The following SRPK1 variants were observed in gnomAD, a reference collection of about 807,000 sequenced individuals.
SRPK1 encodes SFRS protein kinase 1.
In SRPK1, 52 loss-of-function variants were observed where a neutral mutation model predicts 89.5. The ratio of observed to expected loss-of-function variants is 0.58; its 90% CI spans 0.46 to 0.73. SRPK1 has a LOEUF of 0.73. SRPK1 is among the 30% of genes least tolerant of loss of function. The pLI is 0.00. For missense variants in SRPK1, 603 were observed against 780.6 expected, an observed-to-expected ratio of 0.77 and a Z score of 2.71; for synonymous variants, 255 against 270.2, an observed-to-expected ratio of 0.94 and a Z score of 0.55.
chr6:35,886,574 T>G, intron 6 of SRPK1, 150 bp downstream of exon 6: 1 of 618,982 alleles, frequency 1.6e-6, no homozygotes, highest in Non-Finnish European at 2.9e-6. Context: ...TTAGACAAAA[T>G]TCAGATGTGT....
intron 12 of SRPK1, among the ~76,000 whole-genome samples, chr6:35,861,981 C>G (rs1197373179): frequency 6.6e-6 from 1 of 152,164 alleles, no homozygotes; most frequent in African/African-American, 2.4e-5. Context: ...CAGCAGAGAC[C>G]AAGCTTCTCT....
intron 7 of SRPK1, among the ~76,000 whole-genome samples, chr6:35,873,492 CTTT>C (rs141573769): frequency 1.4e-4 from 21 of 147,308 alleles, no homozygotes; most frequent in South Asian, 4.2e-4. Flanking sequence ...TAGCAATTAA[CTTT>C]TTTTTTTTTT....
intron 13 of SRPK1, among the ~76,000 whole-genome samples, chr6:35,849,139 AAAAC>A (rs1359160809): frequency 6.6e-5 from 10 of 152,220 alleles, no homozygotes; most frequent in African/African-American, 9.6e-5. Flanking sequence ...CAATAGCAAG[AAAAC>A]AAACAAACAA....
At chr6:35,857,734 C>CT (rs1477665595) in intron 12 of SRPK1, among the ~76,000 whole-genome samples, 1 of 152,208 alleles carries the variant, frequency 6.6e-6, no homozygotes, top group Non-Finnish European at 1.5e-5. Context: ...TCCCAAAGTG[C>CT]TGGGATTACA....
At chr6:35,905,796 G>C (rs1169087693) in intron 2 of SRPK1, among the ~76,000 whole-genome samples, 2 of 152,196 alleles carry the variant, frequency 1.3e-5, no homozygotes, top group African/African-American at 4.8e-5. Flanking sequence ...CAGCGTGGGA[G>C]AAAGAAGAGT....
intron 2 of SRPK1, among the ~76,000 whole-genome samples, chr6:35,896,219 G>A (rs562252284): frequency 6.6e-6 from 1 of 152,266 alleles, no homozygotes; most frequent in East Asian, 1.9e-4. Context: ...AATCCGTGGG[G>A]TCTCCAAGAA....
At chr6:35,891,144 G>T in intron 2 of SRPK1, 131 bp from the exon 3 acceptor site, 1 of 1,044,954 alleles carries the variant, frequency 9.6e-7, no homozygotes, top group Non-Finnish European at 1.3e-6. Flanking sequence ...GGCAGCCTAG[G>T]AAAATATTAG....
intron 14 of SRPK1, chr6:35,838,715 TGAA>T: frequency 1.4e-6 from 2 of 1,440,322 alleles, no homozygotes; most frequent in Non-Finnish European, 1.9e-6. Context: ...CCTCTGTGAC[TGAA>T]GAAGTCTTGT....
intron 2 of SRPK1, 171 bp from the exon 3 acceptor site, chr6:35,891,184 C>A (rs1770510662): frequency 2.7e-6 from 2 of 736,894 alleles, no homozygotes; most frequent in African/African-American, 1.8e-5. Flanking sequence ...TAGAAAAATA[C>A]TTTTTAAAAA....
chr6:35,864,622 T>C (rs186745917), intron 12 of SRPK1, among the ~76,000 whole-genome samples: 152 of 152,316 alleles, frequency 1.0e-3, no homozygotes, highest in African/African-American at 3.5e-3. Context: ...ACAACCACCA[T>C]GGAGAACAGT....
intron 3 of SRPK1, 78 bp downstream of exon 3, chr6:35,890,817 G>A: frequency 7.6e-7 from 1 of 1,307,236 alleles, no homozygotes; most frequent in Non-Finnish European, 1.0e-6. Flanking sequence ...CTGTGTTTAT[G>A]CTGATAGATC....
chr6:35,839,538 T>C (rs143802386), intron 14 of SRPK1, among the ~76,000 whole-genome samples: 3 of 152,236 alleles, frequency 2.0e-5, no homozygotes, highest in East Asian at 3.9e-4. Flanking sequence ...AGTATGAATA[T>C]GGACCATGAG....
At chr6:35,885,314 G>C (rs1291772378) in intron 6 of SRPK1, among the ~76,000 whole-genome samples, 5 of 151,292 alleles carry the variant, frequency 3.3e-5, no homozygotes, top group African/African-American at 4.9e-5. Context: ...GAGAGAGAGA[G>C]AGAGAGAGAG....
chr6:35,920,852 C>T (rs1771221728), intron 1 of SRPK1, 192 bp downstream of exon 1: 2 of 553,558 alleles, frequency 3.6e-6, no homozygotes, highest in Non-Finnish European at 5.9e-6. Flanking sequence ...CGGCCGGCGC[C>T]AGAGGACGCC....
chr6:35,871,846 A>G (rs1770043345), intron 8 of SRPK1, among the ~76,000 whole-genome samples: 1 of 152,110 alleles, frequency 6.6e-6, no homozygotes, highest in African/African-American at 2.4e-5. Flanking sequence ...GGCTCAAGCA[A>G]TCATCCTGCC....
intron 2 of SRPK1, among the ~76,000 whole-genome samples, chr6:35,898,237 G>A (rs1305636432): frequency 6.6e-6 from 1 of 152,146 alleles, no homozygotes; most frequent in Non-Finnish European, 1.5e-5. Context: ...GGATGGAGCT[G>A]GAGGCCATTA....
chr6:35,895,649 T>C (rs977061320), intron 2 of SRPK1: 4 of 152,216 alleles, frequency 2.6e-5, no homozygotes, highest in African/African-American at 7.2e-5. Flanking sequence ...AAAGAAATTA[T>C]CTGACCTACC....
chr6:35,904,286 T>C (rs142922909), intron 2 of SRPK1, among the ~76,000 whole-genome samples: 67 of 152,290 alleles, frequency 4.4e-4, no homozygotes, highest in Middle Eastern at 6.8e-3. Context: ...CTGATCTTTG[T>C]TGGTCTTTTT....
Position 35,835,216 on chromosome 6 carries a change from C to A in SRPK1, c.*88G>T. 3 of 1,164,484 alleles carry A rather than the reference C, an allele frequency of 2.6e-6. No homozygotes were observed. Among genetic ancestry groups the A allele is most frequent in the Non-Finnish European group, 3.6e-6 (3 of 841,964 alleles). 72.1% of individuals were successfully genotyped at this position (1,164,484 alleles called of 1,614,324 possible). Reference sequence around the variant, plus strand: ...GATCTAGAAACTCTTGAAGGAAGAGCTTCACCCTGAAAAGGGAAGAGGAAA... The same window carrying A: ...GATCTAGAAACTCTTGAAGGAAGAGATTCACCCTGAAAAGGGAAGAGGAAA... On this transcript the variant is annotated 3_prime_UTR_variant, in exon 16 of 16. Coordinates refer to ENST00000373825, the MANE Select transcript of SRPK1 (RefSeq NM_003137.5).
Sources: allele counts gnomAD v4.1 joint callset (sites outside exome capture counted in the v4.1 genomes callset), GRCh38; gene constraint gnomAD v4.1.1; transcripts MANE v1.5; gene names NCBI Gene and HGNC (gene_info 2026-07-23, HGNC 2026-07-21).